DNAH17: variants seen among roughly 807,000 people sequenced by gnomAD.
The protein encoded by DNAH17 is axonemal beta dynein heavy chain 17.
Under a neutral mutation model 485.6 loss-of-function variants are expected in DNAH17, and 376 were observed. The observed-to-expected ratio is 0.77, with a 90% CI of 0.71 to 0.84. The LOEUF (loss-of-function observed/expected upper bound fraction) is 0.84. Among genes scored for constraint, DNAH17 ranks in the 40% least tolerant of loss-of-function variants. The probability of loss-of-function intolerance (pLI) is 0.00; values close to 1 mark genes in which losing one functional copy is unlikely to be tolerated. For missense variants in DNAH17, 6,370 were observed against 5,839.3 expected, an observed-to-expected ratio of 1.09 and a Z score of -2.96; for synonymous variants, 3,031 against 2,405.9, an observed-to-expected ratio of 1.26 and a Z score of -7.60.
At chr17:78,459,275 G>A (rs2087970564) in intron 60 of DNAH17, 67 bp from the exon 61 acceptor site, 4 of 1,468,742 alleles carry the variant, frequency 2.7e-6, no homozygotes, top group East Asian at 4.5e-5. Flanking sequence ...GCCCAGAGAA[G>A]CTGAGTGTCT....
At position 78,507,264 on chromosome 17, in the gene DNAH17, G is replaced by A. The variant is rs759037314; in HGVS notation, c.4676+14C>T. On this transcript the variant is annotated intron_variant, in intron 29 of 80. Coordinates refer to ENST00000389840, the MANE Select transcript of DNAH17 (RefSeq NM_173628.4). ...ACCACTGACTCCCCTGGTCTGGATAGGTGTGAGCCGCACCTCTTCTTCAGG... is the reference window on the plus strand; with the variant it reads ...ACCACTGACTCCCCTGGTCTGGATAAGTGTGAGCCGCACCTCTTCTTCAGG... 1 of 1,613,732 alleles carries A rather than the reference G, an allele frequency of 6.2e-7. No homozygotes were observed. The highest frequency in any genetic ancestry group is 8.5e-7 in the Non-Finnish European group (1 of 1,179,780).
At chr17:78,553,312 TTTTTTTTAA>T (rs1443998643) in intron 14 of DNAH17, among the ~76,000 whole-genome samples, 7 of 53,282 alleles carry the variant, frequency 1.3e-4, no homozygotes, top group South Asian at 8.0e-4. Context: ...TTTTTTTTTT[TTTTTTTTAA>T]GATGGAGTCT....
Position 78,451,680 on chromosome 17 carries a change from G to T in DNAH17, c.10530-7C>A. ...GTCACCGATCTTAATGTACCTGGCGGTTGGTGGAGGAAAGGGTTAGTGGGC... is the reference window on the plus strand; with the variant it reads ...GTCACCGATCTTAATGTACCTGGCGTTTGGTGGAGGAAAGGGTTAGTGGGC... On this transcript the variant is annotated splice_region_variant and splice_polypyrimidine_tract_variant and intron_variant, in intron 65 of 80. Coordinates refer to ENST00000389840, the MANE Select transcript of DNAH17 (RefSeq NM_173628.4). 5.2e-6 allele frequency: 8 copies of T among 1,552,508 alleles called. No homozygotes were observed. Among genetic ancestry groups the T allele is most frequent in the Non-Finnish European group, 7.0e-6 (8 of 1,148,564 alleles).
At chr17:78,502,340 C>A in intron 33 of DNAH17, 1 of 398,154 alleles carries the variant, frequency 2.5e-6, no homozygotes, top group Non-Finnish European at 4.5e-6. Context: ...TCAGTAGCAT[C>A]TGCCAATTTT....
intron 31 of DNAH17, 139 bp downstream of exon 31, chr17:78,505,154 G>GGGAGA (rs909028601): frequency 6.3e-6 from 7 of 1,107,282 alleles, no homozygotes; most frequent in Non-Finnish European, 7.6e-6. Flanking sequence ...TTTCTAGAGA[G>GGGAGA]GGAGAGGAGA....
intron 17 of DNAH17, chr17:78,543,633 C>A: frequency 1.6e-6 from 1 of 633,476 alleles, no homozygotes; most frequent in Non-Finnish European, 2.7e-6. Flanking sequence ...CCACGTTGGT[C>A]AAGCTGGTCT....
chr17:78,558,319 A>G, intron 13 of DNAH17, 65 bp from the exon 14 acceptor site: 1 of 1,562,030 alleles, frequency 6.4e-7, no homozygotes, highest in Non-Finnish European at 8.7e-7. Flanking sequence ...GTGTTCAAGC[A>G]ACAGAAATGA....
At chr17:78,429,737 G>C (rs2086608846) in intron 75 of DNAH17, among the ~76,000 whole-genome samples, 1 of 152,192 alleles carries the variant, frequency 6.6e-6, no homozygotes, top group South Asian at 2.1e-4. Context: ...TTCAACACAA[G>C]TGGTTTGATT....
chr17:78,447,028 T>C lies in DNAH17; in HGVS notation c.11212-1348A>G, dbSNP rs529410539. Among the ~76,000 whole-genome samples the C allele has an allele frequency of 3.2e-3, 481 of 152,218 alleles. 10 individuals carry two copies. The South Asian group carries it at 0.043, about 14-fold the overall frequency. On this transcript the variant is annotated intron_variant, in intron 69 of 80. Transcript: ENST00000389840. ...ATCATGGCTCACTGCAGCCTTGAAC[T>C]CTTGGGCTCAAGTGACCCGCCTATC... is the stretch of plus-strand genomic sequence containing the variant.
At chr17:78,444,014 A>C (rs920418251) in intron 71 of DNAH17, among the ~76,000 whole-genome samples, 2 of 152,168 alleles carry the variant, frequency 1.3e-5, no homozygotes, top group Non-Finnish European at 2.9e-5. Flanking sequence ...CCATCCTTCC[A>C]ACAGGGAAGG....
At chr17:78,510,338 C>A (rs1310458525) in intron 27 of DNAH17, 46 bp downstream of exon 27, 18 of 1,601,306 alleles carry the variant, frequency 1.1e-5, no homozygotes, top group African/African-American at 2.7e-5. Flanking sequence ...GGGGCAGTTT[C>A]AGGCTGATCC....
intron 20 of DNAH17, among the ~76,000 whole-genome samples, chr17:78,530,893 T>G (rs1440314769): frequency 6.6e-6 from 1 of 152,200 alleles, no homozygotes; most frequent in Non-Finnish European, 1.5e-5. Context: ...CCCAACCCTG[T>G]GCTACAGAAT....
chr17:78,551,069 A>T (rs544810402), intron 16 of DNAH17, among the ~76,000 whole-genome samples: 1 of 152,232 alleles, frequency 6.6e-6, no homozygotes, highest in African/African-American at 2.4e-5. Context: ...AAAAACAAAA[A>T]CAAAAACAAA....
At chr17:78,494,510 T>A in intron 40 of DNAH17, 83 bp downstream of exon 40, 1 of 1,431,720 alleles carries the variant, frequency 7.0e-7, no homozygotes, top group South Asian at 1.2e-5. Context: ...GTGACACGGG[T>A]CTCCACCCGT....
At position 78,475,706 on chromosome 17, in the gene DNAH17, A is replaced by C. The variant is rs1240758511; in HGVS notation, c.8282T>G (p.Leu2761Arg). 1 of 1,613,942 alleles carries C rather than the reference A, an allele frequency of 6.2e-7. No homozygotes were observed. Reference protein sequence around the residue: ...APLNKLLVDVLDSYNEVNAVM... With the variant: ...APLNKLLVDVRDSYNEVNAVM... ...TGCATTAACTTCATTGTAGCTGTCC[A>C]GGACGTCCACGAGGAGCTTGTTCAG... The change falls in exon 53 of 81, where the codon CTG becomes CGG. Residue 2761 changes from leucine (L) to arginine (R), a missense_variant. Physicochemically the swap from Leu to Arg is moderately radical, Grantham distance 102. Transcript: ENST00000389840.
intron 47 of DNAH17, 57 bp downstream of exon 47, chr17:78,485,493 G>T: frequency 6.6e-7 from 1 of 1,506,618 alleles, no homozygotes; most frequent in South Asian, 1.3e-5. Flanking sequence ...GGACAGGAGG[G>T]AACGGGGACT....
Position 78,485,738 on chromosome 17 carries a change from G to A in DNAH17, c.7295C>T (p.Thr2432Met), listed in dbSNP as rs78765826. The A allele has an allele frequency of 3.4e-3, 5,528 of 1,612,486 alleles. 132 individuals are homozygous for A. The African/African-American group carries it at 0.058, about 17-fold the overall frequency. ...GAAGTAGCGGATGCGGATGGTTTCC[G>A]TGGTGTGGACCAAAGAGGCCTGGGG... ...VPLQASLVHT[T>M]ETIRIRYFMD... The change falls in exon 47 of 81, where the codon ACG becomes ATG. Residue 2432 changes from threonine (T) to methionine (M), a missense_variant. Physicochemically the swap from Thr to Met is moderately conservative, Grantham distance 81. Transcript: ENST00000389840.
intron 58 of DNAH17, among the ~76,000 whole-genome samples, chr17:78,460,605 A>G (rs2146531601): frequency 6.6e-6 from 1 of 152,188 alleles, no homozygotes; most frequent in Non-Finnish European, 1.5e-5. Context: ...TCTGGAGCCC[A>G]CCTTCCTCCC....
intron 54 of DNAH17, among the ~76,000 whole-genome samples, chr17:78,469,997 A>G (rs1232170518): frequency 6.7e-6 from 1 of 148,388 alleles, no homozygotes; most frequent in Non-Finnish European, 1.5e-5. Context: ...GACAGTGGTG[A>G]TGGTCACACA....
Sources: gnomAD v4.1 joint callset for allele counts (sites outside exome capture counted in the v4.1 genomes callset) on GRCh38, gnomAD v4.1.1 for gene constraint, MANE v1.5 for transcripts, NCBI Gene and HGNC (gene_info 2026-07-23, HGNC 2026-07-21) for gene names.